The following HSF2 variants were observed in gnomAD, a reference collection of about 807,000 sequenced individuals.
HSF2 encodes the protein heat shock factor protein 2.
A neutral mutation model predicts 65.0 loss-of-function variants in HSF2; 21 were observed. The ratio of observed to expected loss-of-function variants is 0.32; its 90% CI spans 0.23 to 0.47. HSF2 has a LOEUF of 0.47. Among genes scored for constraint, HSF2 ranks in the 20% least tolerant of loss-of-function variants. HSF2 has a pLI of 1.00. For synonymous variants in HSF2, 225 were observed against 219.1 expected (o/e 1.03, Z -0.24); for missense variants, 499 against 628.1 (o/e 0.79, Z 2.20).
chr6:122,431,280 A>T (rs1384488811), intron 11 of HSF2, 150 bp from the exon 12 acceptor site: 24 of 348,704 alleles, frequency 6.9e-5, no homozygotes, highest in Non-Finnish European at 1.0e-4. Flanking sequence ...CTCTACTCAG[A>T]TCTCTCTCTG....
intron 8 of HSF2, 45 bp downstream of exon 8, chr6:122,422,343 T>C (rs751797498): frequency 1.4e-6 from 2 of 1,380,664 alleles, no homozygotes; most frequent in Non-Finnish European, 2.0e-6. Flanking sequence ...TTGATTACTT[T>C]TCTTATTACA....
chr6:122,405,296 A>G (rs955325840), intron 1 of HSF2, among the ~76,000 whole-genome samples: 1 of 151,940 alleles, frequency 6.6e-6, no homozygotes, highest in Non-Finnish European at 1.5e-5. Context: ...GCAAAACACA[A>G]TCAATATAAT....
intron 10 of HSF2, among the ~76,000 whole-genome samples, chr6:122,425,638 C>G (rs1388351424): frequency 2.0e-5 from 3 of 151,896 alleles, no homozygotes; most frequent in Admixed American, 6.6e-5. Context: ...TTTGTTCTCT[C>G]CCTGTCTCCC....
chr6:122,411,034 G>A (rs1185892280), intron 1 of HSF2, among the ~76,000 whole-genome samples: 3 of 146,234 alleles, frequency 2.1e-5, no homozygotes, highest in African/African-American at 7.5e-5. Flanking sequence ...AACTATCATA[G>A]TGTTTTCCAC....
At chr6:122,426,556 A>G (rs1185202755) in intron 10 of HSF2, among the ~76,000 whole-genome samples, 2 of 152,082 alleles carry the variant, frequency 1.3e-5, no homozygotes, top group Admixed American at 1.3e-4. Context: ...GATTATTATG[A>G]GTCACTATCT....
intron 1 of HSF2, among the ~76,000 whole-genome samples, chr6:122,407,480 A>G (rs1043845058): frequency 5.9e-5 from 9 of 152,246 alleles, no homozygotes; most frequent in East Asian, 3.9e-4. Context: ...CATTGTCTCA[A>G]TGAGGTTTTG....
Position 122,433,075 on chromosome 6 carries a change from A to T in HSF2, c.*855A>T, listed in dbSNP as rs1376084002. On this transcript the variant is annotated 3_prime_UTR_variant, in exon 13 of 13. Coordinates refer to ENST00000368455, the MANE Select transcript of HSF2 (RefSeq NM_004506.4). ...TGGTTCATTATTCTCAATATGAATCATACCAAGATATTTGTGCCTCATCTC... is the reference window on the plus strand; with the variant it reads ...TGGTTCATTATTCTCAATATGAATCTTACCAAGATATTTGTGCCTCATCTC... 1 of 152,238 alleles carries T rather than the reference A, an allele frequency of 6.6e-6. No homozygotes were observed. The highest frequency in any genetic ancestry group is 1.5e-5 in the Non-Finnish European group (1 of 68,040). 9.4% of individuals were successfully genotyped at this position (152,238 alleles called of 1,614,324 possible). A position where few individuals can be genotyped will look rare whatever the true frequency, so the allele number is the denominator to read the frequency against.
At chr6:122,416,038 C>T (rs1774118879) in intron 4 of HSF2, among the ~76,000 whole-genome samples, 183 bp from the exon 5 acceptor site, 1 of 151,918 alleles carries the variant, frequency 6.6e-6, no homozygotes, top group Non-Finnish European at 1.5e-5. Context: ...AAGAATGATT[C>T]AGGAGTTGTG....
intron 1 of HSF2, among the ~76,000 whole-genome samples, chr6:122,401,943 A>G (rs1440693635): frequency 6.6e-6 from 1 of 152,232 alleles, no homozygotes; most frequent in Non-Finnish European, 1.5e-5. Flanking sequence ...AGACCCTAAC[A>G]TAAGCTTGTC....
chr6:122,423,568 T>G lies in HSF2; in HGVS notation c.1071-13T>G, dbSNP rs373818277. On this transcript the variant is annotated splice_polypyrimidine_tract_variant and intron_variant, in intron 9 of 12. Transcript: ENST00000368455. ...TATCTAATATTTGATTAAAAAAATT[T>G]TTTTTTCCTTAGGGTTGAGCTGTTG... 2 of 1,504,404 alleles carry G rather than the reference T, an allele frequency of 1.3e-6. No individual in the cohort carries two copies. Among genetic ancestry groups the G allele is most frequent in the South Asian group, 2.5e-5 (2 of 78,834 alleles). The allele number at this position is 1,504,404 out of a possible 1,614,324, so 93.2% of individuals were successfully genotyped here.
At chr6:122,425,081 C>T (rs1477007946) in intron 10 of HSF2, among the ~76,000 whole-genome samples, 1 of 151,938 alleles carries the variant, frequency 6.6e-6, no homozygotes, top group African/African-American at 2.4e-5. Flanking sequence ...GTATTTGTCT[C>T]CTCTATCCTT....
upstream of HSF2, chr6:122,399,597 G>T (rs1773661868): frequency 7.6e-6 from 5 of 657,804 alleles, no homozygotes; most frequent in Middle Eastern, 3.9e-4. Context: ...CTTGCCGCGC[G>T]CCTGGCGGGG....
chr6:122,399,612 G>C (rs115726791), upstream of HSF2: 343 of 734,226 alleles, frequency 4.7e-4, no homozygotes, highest in African/African-American at 4.7e-3. Flanking sequence ...GCGGGGTTGG[G>C]GGGGCGGGGA....
intron 1 of HSF2, among the ~76,000 whole-genome samples, chr6:122,408,848 A>ATTTT (rs372791560): frequency 7.1e-6 from 1 of 141,046 alleles, no homozygotes; most frequent in Admixed American, 7.1e-5. Context: ...TTTTAACTTC[A>ATTTT]TTTTTTTTTT....
chr6:122,427,912 A>G lies in HSF2; in HGVS notation c.1186A>G (p.Ser396Gly). ...TTGTTTGGTCTTTCAGCTTTTCACT[A>G]GTTCTGTGCAGATGAATCCCACAGA... ...DPDLLVDLFT[S>G]SVQMNPTDYI... The change falls in exon 11 of 13, where the codon AGT becomes GGT. Residue 396 changes from serine (S) to glycine (G), a missense_variant. Physicochemically the swap from Ser to Gly is moderately conservative, Grantham distance 56. Transcript: ENST00000368455. 6.3e-7 allele frequency: 1 copy of G among 1,598,066 alleles called. No individual in the cohort carries two copies. The highest frequency in any genetic ancestry group is 1.1e-5 in the South Asian group (1 of 89,374).
At position 122,399,662 on chromosome 6, in the gene HSF2, A is replaced by T. The variant is rs1484782519; in HGVS notation, c.-76A>T. 2 of 1,219,306 alleles carry T rather than the reference A, an allele frequency of 1.6e-6. No individual in the cohort carries two copies. The highest frequency in any genetic ancestry group is 2.4e-6 in the Non-Finnish European group (2 of 840,136). The allele number at this position is 1,219,306 out of a possible 1,614,324, so 75.5% of individuals were successfully genotyped here. On this transcript the variant is annotated 5_prime_UTR_variant, in exon 1 of 13. Coordinates refer to ENST00000368455, the MANE Select transcript of HSF2 (RefSeq NM_004506.4). ...GCCTGCGTTGTGGGCGTTCTCGGGG[A>T]GCTGCTGCCGTAGCTGCCGCCGCCG... is the stretch of plus-strand genomic sequence containing the variant.
rs1297433524 is a variant in HSF2, at chr6:122,422,801, A to G, written c.914A>G (p.Asn305Ser). The G allele has an allele frequency of 3.1e-6, 5 of 1,613,664 alleles. No individual in the cohort carries two copies. Among genetic ancestry groups the G allele is most frequent in the Non-Finnish European group, 4.2e-6 (5 of 1,179,810 alleles). Residue 305 changes from asparagine (N) to serine (S), a missense_variant, in exon 9 of 13, where the codon AAT becomes AGT. Around this residue, in one of 2 missense-constraint regions of HSF2, gnomAD observed 349 missense variants for 393.5 expected, o/e 0.89. Coordinates refer to ENST00000368455, the MANE Select transcript of HSF2 (RefSeq NM_004506.4). ...YAPVIQSGEQ[N>S]EPARESLSSG... is the part of the protein sequence containing the mutation. ...CCTGTCATTCAGAGTGGAGAGCAGA[A>G]TGAACCAGCCAGAGAATCCCTAAGT...
At chr6:122,425,173 T>C (rs1774313456) in intron 10 of HSF2, among the ~76,000 whole-genome samples, 1 of 152,116 alleles carries the variant, frequency 6.6e-6, no homozygotes, top group Non-Finnish European at 1.5e-5. Context: ...TTTGTTCATT[T>C]ACCATTCTGC....
At chr6:122,423,037 C>T (rs945580241) in intron 9 of HSF2, 80 bp downstream of exon 9, 2 of 1,505,346 alleles carry the variant, frequency 1.3e-6, no homozygotes, top group Admixed American at 1.7e-5. Context: ...TTTGAGTAAT[C>T]TTCCTTTCAG....
Sources: allele counts gnomAD v4.1 joint callset (sites outside exome capture counted in the v4.1 genomes callset), GRCh38; gene constraint gnomAD v4.1.1; regional missense constraint gnomAD v4.1.1; transcripts MANE v1.5; gene names NCBI Gene and HGNC (gene_info 2026-07-23, HGNC 2026-07-21).